DCT: variants seen among roughly 807,000 people sequenced by gnomAD.
DCT encodes the protein L-dopachrome tautomerase.
A neutral mutation model predicts 53.0 loss-of-function variants in DCT; 47 were observed. The ratio of observed to expected loss-of-function variants is 0.89; its 90% CI spans 0.70 to 1.13. The LOEUF is 1.13. Among genes scored for constraint, DCT ranks in the 50% most tolerant of loss-of-function variants. The pLI is 0.00. For synonymous variants in DCT, 244 were observed against 237.0 expected (o/e 1.03, Z -0.27); for missense variants, 669 against 637.4 (o/e 1.05, Z -0.53).
the DCT span, among the ~76,000 whole-genome samples, chr13:94,489,738 A>G: frequency 6.8e-6 from 1 of 147,526 alleles, no homozygotes; most frequent in Admixed American, 6.8e-5. Flanking sequence ...CACTGAGAAA[A>G]TTTTGATTCT....
At chr13:94,482,211 G>T (rs992361311), upstream of DCT, among the ~76,000 whole-genome samples, 2 of 152,218 alleles carry the variant, frequency 1.3e-5, no homozygotes, top group African/African-American at 4.8e-5. Flanking sequence ...GTGTTAGTCT[G>T]TGGCTGGAAC....
At chr13:94,509,732 C>A in the DCT span, among the ~76,000 whole-genome samples, 2 of 152,078 alleles carry the variant, frequency 1.3e-5, no homozygotes, top group African/African-American at 4.8e-5. Flanking sequence ...ATAATAGCAC[C>A]CATCTTCTAG....
intron 6 of DCT, among the ~76,000 whole-genome samples, chr13:94,456,291 A>G (rs112394777): frequency 0.053 from 8,040 of 152,222 alleles, 314 homozygotes; most frequent in Non-Finnish European, 0.081. Context: ...AGCTCACCTG[A>G]CTATGCTTTA....
chr13:94,478,126 G>C (rs906513136), intron 1 of DCT, among the ~76,000 whole-genome samples: 8 of 151,894 alleles, frequency 5.3e-5, no homozygotes, highest in African/African-American at 1.9e-4. Flanking sequence ...GTGACAAAAA[G>C]CCATTGTTAT....
chr13:94,472,564 ATATATTTTTTTT>A (rs1884802222), intron 1 of DCT, among the ~76,000 whole-genome samples: 1 of 18,056 alleles, frequency 5.5e-5, no homozygotes, highest in Non-Finnish European at 8.9e-5. Flanking sequence ...ATATATATAT[ATATATTTTTTTT>A]TTTTTTTTTT....
the DCT span, among the ~76,000 whole-genome samples, chr13:94,548,338 G>T: frequency 6.6e-6 from 1 of 151,978 alleles, no homozygotes; most frequent in Non-Finnish European, 1.5e-5. Context: ...GAATGAATAA[G>T]AGAGAACACA....
chr13:94,535,585 T>C, the DCT span, among the ~76,000 whole-genome samples: 5 of 152,194 alleles, frequency 3.3e-5, no homozygotes, highest in African/African-American at 4.8e-5. Flanking sequence ...ATGTAGGCAG[T>C]GCCTGGAACT....
chr13:94,461,783 T>G (rs1482964455), intron 5 of DCT, among the ~76,000 whole-genome samples: 1 of 152,138 alleles, frequency 6.6e-6, no homozygotes, highest in African/African-American at 2.4e-5. Flanking sequence ...CAAAAGTTGG[T>G]TTTGAACAGC....
At chr13:94,478,401 C>T (rs940137926) in intron 1 of DCT, among the ~76,000 whole-genome samples, 4 of 151,846 alleles carry the variant, frequency 2.6e-5, no homozygotes, top group Admixed American at 1.3e-4. Flanking sequence ...CACTTGAACC[C>T]GGGAGATGGA....
At chr13:94,449,822 TATGTAATAGGC>T (rs11271997) in intron 6 of DCT, among the ~76,000 whole-genome samples, 12,711 of 152,214 alleles carry the variant, frequency 0.084, 731 homozygotes, top group African/African-American at 0.17. Context: ...AAATAGGCCA[TATGTAATAGGC>T]ATGAAATAGT....
chr13:94,464,468 T>G (rs1594303844), intron 4 of DCT, among the ~76,000 whole-genome samples: 1 of 152,120 alleles, frequency 6.6e-6, no homozygotes, highest in East Asian at 1.9e-4. Context: ...GGTGAAACCC[T>G]GTCTCTACTA....
chr13:94,503,193 CAT>C, the DCT span, among the ~76,000 whole-genome samples: 4 of 152,060 alleles, frequency 2.6e-5, no homozygotes, highest in Non-Finnish European at 4.4e-5. Flanking sequence ...GCCTGGGAAA[CAT>C]AGCAAAAACC....
the DCT span, among the ~76,000 whole-genome samples, chr13:94,514,463 A>C: frequency 3.1e-4 from 47 of 152,348 alleles, no homozygotes; most frequent in South Asian, 6.0e-3. Flanking sequence ...TAGTAAGCAA[A>C]GTGAGCAGCC....
chr13:94,543,172 C>T, the DCT span, among the ~76,000 whole-genome samples: 4 of 152,162 alleles, frequency 2.6e-5, no homozygotes, highest in Non-Finnish European at 5.9e-5. Context: ...CACACTAACT[C>T]ATCACAGCCG....
At chr13:94,473,200 G>T (rs1478717016) in intron 1 of DCT, among the ~76,000 whole-genome samples, 2 of 152,112 alleles carry the variant, frequency 1.3e-5, no homozygotes, top group Non-Finnish European at 2.9e-5. Flanking sequence ...AAATCAATAT[G>T]CATTCAGTAG....
chr13:94,453,448 TA>T (rs1219227138), intron 6 of DCT, among the ~76,000 whole-genome samples: 20 of 152,186 alleles, frequency 1.3e-4, no homozygotes, highest in African/African-American at 4.8e-4. Context: ...AAATTTCACA[TA>T]CAACAATGTT....
chr13:94,503,906 A>G, the DCT span, among the ~76,000 whole-genome samples: 4 of 152,222 alleles, frequency 2.6e-5, no homozygotes, highest in Non-Finnish European at 5.9e-5. Context: ...TTTCATAACT[A>G]TTAGAGTTAT....
chr13:94,465,305 T>G (rs1399606963), intron 4 of DCT, among the ~76,000 whole-genome samples: 1 of 152,206 alleles, frequency 6.6e-6, no homozygotes, highest in Non-Finnish European at 1.5e-5. Flanking sequence ...TTAATTTGAT[T>G]AGGTTGATGC....
rs1884380290 is a variant in DCT, at chr13:94,468,539, A to G, written c.595+207T>C. ...AAGAACATACGGTAGAGGAGAGAAC[A>G]TTTAAAGTGTCTGCATCCAATGCAC... On this transcript the variant is annotated intron_variant, in intron 2 of 7. Coordinates refer to ENST00000377028, the MANE Select transcript of DCT (RefSeq NM_001922.5). The G allele has an allele frequency of 4.4e-5, 25 of 567,752 alleles. No individual in the cohort carries two copies. In the South Asian group the frequency reaches 5.6e-4, roughly 13 times the overall value. The allele number at this position is 567,752 out of a possible 1,614,324, so 35.2% of individuals were successfully genotyped here.
Sources: gnomAD v4.1 joint callset for allele counts (sites outside exome capture counted in the v4.1 genomes callset) on GRCh38, gnomAD v4.1.1 for gene constraint, MANE v1.5 for transcripts, NCBI Gene and HGNC (gene_info 2026-07-23, HGNC 2026-07-21) for gene names.